DCAF1: variants seen among roughly 807,000 people sequenced by gnomAD.
DCAF1 encodes DDB1- and CUL4-associated factor 1.
Under a neutral mutation model 128.0 loss-of-function variants are expected in DCAF1, and 15 were observed. The ratio of observed to expected loss-of-function variants is 0.12; its 90% confidence interval spans 0.08 to 0.18. The LOEUF is 0.18. DCAF1 is among the 10% of genes least tolerant of loss of function. DCAF1 has a pLI of 1.00. For missense variants in DCAF1, 988 were observed against 1,649.5 expected (o/e 0.60, Z 6.95); for synonymous variants, 610 against 603.0 (o/e 1.01, Z -0.17).
intron 3 of DCAF1, among the ~76,000 whole-genome samples, chr3:51,482,590 C>T (rs1285457344): frequency 8.6e-6 from 1 of 116,576 alleles, no homozygotes; most frequent in African/African-American, 3.5e-5. Context: ...CATGGTGAAA[C>T]CCCGTCTCTA....
At chr3:51,445,624 C>A (rs1397259395) in intron 6 of DCAF1, among the ~76,000 whole-genome samples, 1 of 152,120 alleles carries the variant, frequency 6.6e-6, no homozygotes, top group Non-Finnish European at 1.5e-5. Flanking sequence ...TTGGCTTGAC[C>A]AATAATGGTG....
intron 3 of DCAF1, among the ~76,000 whole-genome samples, chr3:51,471,697 G>A (rs1002307231): frequency 2.6e-5 from 4 of 151,654 alleles, no homozygotes; most frequent in South Asian, 2.1e-4. Context: ...GAGAAACCCC[G>A]TCTCTACTAA....
intron 6 of DCAF1, among the ~76,000 whole-genome samples, chr3:51,444,784 TC>T (rs1701686109): frequency 6.6e-6 from 1 of 152,116 alleles, no homozygotes; most frequent in Non-Finnish European, 1.5e-5. Flanking sequence ...CACACCATTC[TC>T]CTGCCTTAGC....
chr3:51,488,582 C>G (rs559413200), intron 2 of DCAF1, among the ~76,000 whole-genome samples: 7 of 152,278 alleles, frequency 4.6e-5, no homozygotes, highest in African/African-American at 1.4e-4. Flanking sequence ...GCAGGCAGAT[C>G]ACCTGAGGTC....
At chr3:51,437,139 T>C (rs1700907116) in intron 9 of DCAF1, among the ~76,000 whole-genome samples, 3 of 151,716 alleles carry the variant, frequency 2.0e-5, no homozygotes, top group Admixed American at 6.6e-5. Context: ...GGCACATGCC[T>C]GTAATCTCAG....
At chr3:51,457,171 A>AC (rs1703013538) in intron 6 of DCAF1, among the ~76,000 whole-genome samples, 1 of 152,290 alleles carries the variant, frequency 6.6e-6, no homozygotes, top group African/African-American at 2.4e-5. Flanking sequence ...TTGAAAAAAA[A>AC]TTAGACAAAT....
rs1703780963 is a variant in DCAF1 at position 51,463,103 on chromosome 3, T to G, written c.375+11A>C. ...CAAAATAAAATTATGACTTTACTTT[T>G]CACTAAGTACCTTTTCTTGAAAGAC... On this transcript the variant is annotated intron_variant, in intron 6 of 24. Transcript: ENST00000684031. 1.9e-6 allele frequency: 3 copies of G among 1,551,168 alleles called. No homozygotes were observed. In the African/African-American group the frequency reaches 4.1e-5, roughly 21 times the overall value.
intron 6 of DCAF1, among the ~76,000 whole-genome samples, chr3:51,451,085 TTTTTTTTTTTTTTTTTTTTTA>T (rs1290531505): frequency 9.6e-6 from 1 of 103,962 alleles, no homozygotes; most frequent in Non-Finnish European, 1.9e-5. Flanking sequence ...TTTTTTTTTT[TTTTTTTTTTTTTTTTTTTTTA>T]GTGACAAGGT....
At chr3:51,498,604 T>C (rs907678762) in intron 1 of DCAF1, among the ~76,000 whole-genome samples, 1 of 152,030 alleles carries the variant, frequency 6.6e-6, no homozygotes, top group Admixed American at 6.6e-5. Context: ...ATTTTAAAAC[T>C]GTATAATAGG....
intron 3 of DCAF1, among the ~76,000 whole-genome samples, chr3:51,479,481 C>G (rs1553651938): frequency 6.6e-6 from 1 of 151,528 alleles, no homozygotes; most frequent in African/African-American, 2.4e-5. Context: ...CCAGCCTCGG[C>G]AACAGAGGGA....
rs541497600 is a variant in DCAF1 at position 51,417,239 on chromosome 3, G to A, written c.3519-368C>T. Among the ~76,000 whole-genome samples, 6 of 152,116 alleles carry A rather than the reference G, an allele frequency of 3.9e-5. No homozygotes were observed. The South Asian group carries it at 8.3e-4, about 21-fold the overall frequency. On this transcript the variant is annotated intron_variant, in intron 17 of 24. Transcript: ENST00000684031. ...TCGAGACCACCCTGGGCAACATGTC[G>A]AAACCCTATCTCTATCAAAAATGCA...
chr3:51,422,238 A>G, intron 14 of DCAF1, 69 bp downstream of exon 14: 2 of 715,134 alleles, frequency 2.8e-6, no homozygotes, highest in Non-Finnish European at 2.6e-6. Context: ...GTAAGTAACC[A>G]AGACCAGAGT....
At chr3:51,480,494 G>C (rs1258497487) in intron 3 of DCAF1, among the ~76,000 whole-genome samples, 1 of 151,356 alleles carries the variant, frequency 6.6e-6, no homozygotes, top group Non-Finnish European at 1.5e-5. Flanking sequence ...AGCTACTCGG[G>C]AGGCTGAGGC....
intron 2 of DCAF1, among the ~76,000 whole-genome samples, chr3:51,488,690 C>T (rs1707262563): frequency 6.6e-6 from 1 of 152,122 alleles, no homozygotes; most frequent in Non-Finnish European, 1.5e-5. Context: ...GTAATTCCAG[C>T]TACTTGGGAG....
At chr3:51,472,348 C>A (rs1553648683) in intron 3 of DCAF1, among the ~76,000 whole-genome samples, 1 of 152,166 alleles carries the variant, frequency 6.6e-6, no homozygotes, top group East Asian at 1.9e-4. Context: ...CTTTCTCTCA[C>A]TACAAGTGAG....
intron 23 of DCAF1, among the ~76,000 whole-genome samples, chr3:51,410,955 C>G (rs1329255170): frequency 1.3e-5 from 2 of 151,952 alleles, no homozygotes; most frequent in African/African-American, 2.4e-5. Flanking sequence ...GTCAGGAGTT[C>G]CAGACCAGCC....
chr3:51,399,035 T>C (rs2089441440), intron 24 of DCAF1, among the ~76,000 whole-genome samples: 1 of 152,274 alleles, frequency 6.6e-6, no homozygotes, highest in African/African-American at 2.4e-5. Context: ...GGAGACCTTT[T>C]GCTCTCCTAA....
intron 4 of DCAF1, among the ~76,000 whole-genome samples, chr3:51,470,049 C>G (rs1422805992): frequency 6.6e-6 from 1 of 151,818 alleles, no homozygotes; most frequent in African/African-American, 2.4e-5. Flanking sequence ...TAAATAAGCC[C>G]AAAATAAACC....
At chr3:51,486,189 G>T (rs542579867) in intron 2 of DCAF1, among the ~76,000 whole-genome samples, 421 of 142,852 alleles carry the variant, frequency 2.9e-3, no homozygotes, top group Middle Eastern at 7.4e-3. Context: ...ACACCCGGCA[G>T]ATTCTTTTTT....
Sources: allele counts gnomAD v4.1 joint callset (sites outside exome capture counted in the v4.1 genomes callset), GRCh38; gene constraint gnomAD v4.1.1; transcripts MANE v1.5; gene names NCBI Gene and HGNC (gene_info 2026-07-23, HGNC 2026-07-21).